The following C7orf33 variants were observed in gnomAD, a reference collection of about 807,000 sequenced individuals.
C7orf33 encodes uncharacterized protein C7orf33.
In C7orf33, 15 loss-of-function variants were observed where a neutral mutation model predicts 13.4. The ratio of observed to expected loss-of-function variants is 1.12; its 90% CI spans 0.75 to 1.72. The LOEUF is 1.72. Ranked by LOEUF, C7orf33 falls within the 40% of genes most tolerant of loss-of-function variation. The pLI, the probability that C7orf33 is intolerant of heterozygous loss-of-function variation, is 0.00. For missense variants in C7orf33, 187 were observed against 220.3 expected (o/e 0.85, Z 0.96); for synonymous variants, 73 against 83.2 (o/e 0.88, Z 0.67).
chr7:148,614,561 A>G (rs1796580792), intron 2 of C7orf33, among the ~76,000 whole-genome samples: 2 of 152,244 alleles, frequency 1.3e-5, no homozygotes, highest in African/African-American at 4.8e-5. Context: ...TGTTATTAAG[A>G]GAACATAAGG....
intron 1 of C7orf33, among the ~76,000 whole-genome samples, chr7:148,594,592 G>A (rs1331448649): frequency 2.0e-5 from 3 of 152,112 alleles, no homozygotes; most frequent in African/African-American, 7.2e-5. Context: ...GTACTAAGAT[G>A]ACACCCAAGT....
intron 1 of C7orf33, among the ~76,000 whole-genome samples, chr7:148,602,504 A>G (rs1370550900): frequency 6.6e-6 from 1 of 152,190 alleles, no homozygotes; most frequent in Admixed American, 6.5e-5. Flanking sequence ...AGGCTGAGAC[A>G]TGAGAATTGC....
rs148407950 is a variant in C7orf33 at position 148,608,648 on chromosome 7, C to G, written c.205-5394C>G. 6.5e-3 allele frequency among the ~76,000 whole-genome samples: 982 copies of G among 151,936 alleles called. 14 individuals carry two copies. The highest frequency in any genetic ancestry group is 0.022 in the African/African-American group (924 of 41,428). On this transcript the variant is annotated intron_variant, in intron 1 of 2. Transcript: ENST00000307003. ...TGGCCAACATGGAGAAACCCCGTCT[C>G]TACTAAAAATGCAATAATAAGCCAG...
chr7:148,594,492 A>G (rs889590587), intron 1 of C7orf33, among the ~76,000 whole-genome samples: 1 of 152,068 alleles, frequency 6.6e-6, no homozygotes, highest in Non-Finnish European at 1.5e-5. Flanking sequence ...TTTTCTTTAT[A>G]AATTACCCAG....
intron 1 of C7orf33, among the ~76,000 whole-genome samples, chr7:148,608,291 A>C (rs543763248): frequency 8.6e-4 from 130 of 151,632 alleles, no homozygotes; most frequent in Admixed American, 2.0e-3. Flanking sequence ...TTAGCTGGGC[A>C]TGGTGGTGCG....
In C7orf33 at chr7:148,590,938, G is replaced by A. The variant is rs762971919; in HGVS notation, c.13G>A (p.Val5Ile). The A allele has an allele frequency of 3.7e-6, 6 of 1,614,012 alleles. No homozygotes were observed. The African/African-American group carries it at 6.7e-5, about 18-fold the overall frequency. The change falls in exon 1 of 3, where the codon GTT (valine) becomes ATT (isoleucine). Residue 5 changes from valine to isoleucine, a missense_variant. Val to Ile is a conservative substitution (Grantham distance 29, BLOSUM62 3). Coordinates refer to ENST00000307003, the MANE Select transcript of C7orf33 (RefSeq NM_145304.4). The part of the protein sequence containing the change: MQVE[V>I]QSLSLEECPW... The stretch of plus-strand genomic sequence containing the variant: ...TACCTTTGCCAAAATGCAAGTGGAA[G>A]TTCAAAGCCTCAGCCTTGAAGAGTG...
intron 1 of C7orf33, among the ~76,000 whole-genome samples, chr7:148,613,772 C>A (rs888147818): frequency 6.6e-6 from 1 of 152,066 alleles, no homozygotes; most frequent in Non-Finnish European, 1.5e-5. Context: ...ATACTGATAA[C>A]CACTGTAAAC....
At chr7:148,602,051 A>C (rs1348197427) in intron 1 of C7orf33, among the ~76,000 whole-genome samples, 2 of 152,144 alleles carry the variant, frequency 1.3e-5, no homozygotes, top group Non-Finnish European at 2.9e-5. Flanking sequence ...ACCCGGCCCA[A>C]ACTGAGTTTA....
At chr7:148,601,899 T>A (rs1796420380) in intron 1 of C7orf33, among the ~76,000 whole-genome samples, 1 of 151,836 alleles carries the variant, frequency 6.6e-6, no homozygotes, top group Admixed American at 6.6e-5. Flanking sequence ...AGGCACATGC[T>A]CCCATGCCCA....
chr7:148,600,287 G>A (rs1301419606), intron 1 of C7orf33, among the ~76,000 whole-genome samples: 1 of 152,124 alleles, frequency 6.6e-6, no homozygotes, highest in Non-Finnish European at 1.5e-5. Flanking sequence ...TGGCCAATGT[G>A]GTGAAACCCC....
chr7:148,597,366 A>T (rs1449966373), intron 1 of C7orf33, among the ~76,000 whole-genome samples: 5 of 152,076 alleles, frequency 3.3e-5, no homozygotes, highest in African/African-American at 1.2e-4. Context: ...ACTGCAACCT[A>T]TGCCTCCCGA....
At chr7:148,591,567 T>C (rs894804585) in intron 1 of C7orf33, among the ~76,000 whole-genome samples, 1 of 152,164 alleles carries the variant, frequency 6.6e-6, no homozygotes, top group African/African-American at 2.4e-5. Flanking sequence ...CTTCTCTCGC[T>C]TTAAAGACCA....
At chr7:148,607,225 T>C (rs1257475663) in intron 1 of C7orf33, among the ~76,000 whole-genome samples, 1 of 152,176 alleles carries the variant, frequency 6.6e-6, no homozygotes, top group Non-Finnish European at 1.5e-5. Flanking sequence ...TGGTAAAGCA[T>C]GTTCAGGTAG....
intron 1 of C7orf33, among the ~76,000 whole-genome samples, chr7:148,593,925 A>AT (rs1796298655): frequency 6.6e-6 from 1 of 152,196 alleles, no homozygotes; most frequent in African/African-American, 2.4e-5. Flanking sequence ...TGGATTTGTC[A>AT]TGAATAGTTT....
Position 148,590,971 on chromosome 7 carries a change from A to G in C7orf33, c.46A>G (p.Arg16Gly), listed in dbSNP as rs770845401. 25 of 1,614,166 alleles carry G rather than the reference A, an allele frequency of 1.5e-5. 1 individual carries two copies. The highest frequency in any genetic ancestry group is 1.9e-5 in the Non-Finnish European group (22 of 1,180,028). ...QSLSLEECPW[R>G]LPGPQCECEA... Reference sequence around the variant, plus strand: ...CCTCAGCCTTGAAGAGTGTCCCTGGAGACTTCCAGGCCCCCAATGTGAATG... The same window carrying G: ...CCTCAGCCTTGAAGAGTGTCCCTGGGGACTTCCAGGCCCCCAATGTGAATG... Residue 16 changes from arginine to glycine, a missense_variant, in exon 1 of 3, where the codon AGA becomes GGA. Arg to Gly is a moderately radical substitution (Grantham distance 125, BLOSUM62 -2). Transcript: ENST00000307003.
At chr7:148,598,034 A>C (rs7790572) in intron 1 of C7orf33, among the ~76,000 whole-genome samples, 148,908 of 152,306 alleles carry the variant, frequency 0.98, 72,815 homozygotes, top group East Asian at 1. Context: ...GGATTACAGG[A>C]GTGAGCCACG....
chr7:148,614,020 T>C (rs1796574218), intron 1 of C7orf33, 22 bp from the exon 2 acceptor site: 2 of 1,560,342 alleles, frequency 1.3e-6, no homozygotes. Flanking sequence ...ACCCAATTTG[T>C]TTGTTTGTTT....
At chr7:148,608,787 A>G (rs1796505289) in intron 1 of C7orf33, among the ~76,000 whole-genome samples, 1 of 152,208 alleles carries the variant, frequency 6.6e-6, no homozygotes, top group Non-Finnish European at 1.5e-5. Context: ...TCTGCACTCC[A>G]GTCTGGGCGA....
Position 148,614,409 on chromosome 7 carries a change from G to A in C7orf33, c.459+113G>A, listed in dbSNP as rs1438430598. 6.8e-6 allele frequency: 8 copies of A among 1,179,928 alleles called. No homozygotes were observed. In the Admixed American group the frequency reaches 8.7e-5, roughly 13 times the overall value. 73.1% of individuals were successfully genotyped at this position (1,179,928 alleles called of 1,614,324 possible). ...TTGTTGCATTCTTGCATGCCTGGAT[G>A]TTTCATATTCTCTGAATGTCCAGCA... On this transcript the variant is annotated intron_variant, in intron 2 of 2. Coordinates refer to ENST00000307003, the MANE Select transcript of C7orf33 (RefSeq NM_145304.4).
Sources: allele counts gnomAD v4.1 joint callset (sites outside exome capture counted in the v4.1 genomes callset), GRCh38; gene constraint gnomAD v4.1.1; transcripts MANE v1.5; gene names NCBI Gene and HGNC (gene_info 2026-07-23, HGNC 2026-07-21).